The following RAP1GAP2 variants were observed in gnomAD, a reference collection of about 807,000 sequenced individuals.
RAP1GAP2 encodes RAP1 GTPase activating protein 2, also known as rap1 GTPase-activating protein 2.
RAP1GAP2 carries 27 observed loss-of-function variants against 95.0 expected under a neutral mutation model. The ratio of observed to expected loss-of-function variants is 0.28; its 90% CI spans 0.21 to 0.39. The LOEUF (loss-of-function observed/expected upper bound fraction) is 0.39. RAP1GAP2 is among the 10% of genes least tolerant of loss of function. The probability of loss-of-function intolerance (pLI) is 1.00; values close to 1 mark genes in which losing one functional copy is unlikely to be tolerated. For synonymous variants in RAP1GAP2, 373 were observed against 380.9 expected (o/e 0.98, Z 0.24); for missense variants, 771 against 970.0 (o/e 0.79, Z 2.72).
intron 1 of RAP1GAP2, among the ~76,000 whole-genome samples, chr17:2,759,448 T>C (rs1163796163): frequency 6.6e-6 from 1 of 151,960 alleles, no homozygotes; most frequent in Non-Finnish European, 1.5e-5. Context: ...GCCCAGCTAA[T>C]TTTTTGTATT....
chr17:2,774,366 C>T (rs1055497172), upstream of RAP1GAP2, among the ~76,000 whole-genome samples: 1 of 152,078 alleles, frequency 6.6e-6, no homozygotes, highest in African/African-American at 2.4e-5. Context: ...TGCCGTTCCT[C>T]TGCCAGACAT....
intron 4 of RAP1GAP2, among the ~76,000 whole-genome samples, chr17:2,958,300 A>T (rs2044193590): frequency 6.6e-6 from 1 of 152,084 alleles, no homozygotes; most frequent in Non-Finnish European, 1.5e-5. Context: ...TTGGGGTGAA[A>T]TGAGATAATC....
At chr17:2,942,402 T>G (rs990778702) in intron 3 of RAP1GAP2, among the ~76,000 whole-genome samples, 1 of 152,166 alleles carries the variant, frequency 6.6e-6, no homozygotes, top group Non-Finnish European at 1.5e-5. Flanking sequence ...GGGGGCTGAT[T>G]TGGCTCATAG....
At chr17:2,809,567 CT>C (rs1401825723) in intron 2 of RAP1GAP2, among the ~76,000 whole-genome samples, 1 of 152,210 alleles carries the variant, frequency 6.6e-6, no homozygotes, top group African/African-American at 2.4e-5. Context: ...TGGCCATGCA[CT>C]TGGGCTTCCT....
rs374427282 is a variant in RAP1GAP2 at position 3,034,899 on chromosome 17, G to C, written c.*1538G>C. 3.9e-5 allele frequency: 6 copies of C among 152,046 alleles called. No individual in the cohort carries two copies. The highest frequency in any genetic ancestry group is 8.8e-5 in the Non-Finnish European group (6 of 68,060). The allele number at this position is 152,046 out of a possible 1,614,324, so 9.4% of individuals were successfully genotyped here. A position where few individuals can be genotyped will look rare whatever the true frequency, so the allele number is the denominator to read the frequency against. On this transcript the variant is annotated 3_prime_UTR_variant, in exon 25 of 25. Coordinates refer to ENST00000254695, the MANE Select transcript of RAP1GAP2 (RefSeq NM_015085.5). This position sits in a 1 kb window ranked among gnomAD's most constrained non-coding sequence, Gnocchi z 5.1. ...GACACTGGCTGGGCACCTGCCCCAC[G>C]ACCAATGACAAGGATTTCCAGCTGA...
exon 2 of RAP1GAP2, chr17:2,770,394 G>A: frequency 2.5e-6 from 1 of 398,712 alleles, no homozygotes; most frequent in Non-Finnish European, 4.4e-6. Context: ...TGGCTCTACA[G>A]CCCGCAGCAG....
intron 2 of RAP1GAP2, among the ~76,000 whole-genome samples, chr17:2,847,400 C>A (rs2071635304): frequency 6.6e-6 from 1 of 151,122 alleles, no homozygotes; most frequent in African/African-American, 2.4e-5. Flanking sequence ...AGCAAGGAAG[C>A]AAACAAAAAG....
intron 2 of RAP1GAP2, among the ~76,000 whole-genome samples, chr17:2,821,174 C>G (rs990496789): frequency 1.8e-4 from 28 of 152,068 alleles, no homozygotes; most frequent in Admixed American, 1.2e-3. Flanking sequence ...CGCTTCTCTT[C>G]ACCCTTTTTC....
At chr17:2,800,465 G>T (rs1158298814) in intron 1 of RAP1GAP2, 50 bp from the exon 2 acceptor site, 1 of 1,591,652 alleles carries the variant, frequency 6.3e-7, no homozygotes, top group Non-Finnish European at 8.6e-7. Context: ...ATGCTATGTA[G>T]GAGTCTTCAG....
At chr17:2,799,329 G>A (rs963989289) in intron 1 of RAP1GAP2, among the ~76,000 whole-genome samples, 5 of 152,206 alleles carry the variant, frequency 3.3e-5, no homozygotes, top group Non-Finnish European at 7.3e-5. Flanking sequence ...GGAGAGACGT[G>A]GGCCAGGCCC....
chr17:2,779,207 GCGTGA>G (rs1185228838), intron 1 of RAP1GAP2, among the ~76,000 whole-genome samples: 4 of 152,224 alleles, frequency 2.6e-5, no homozygotes, highest in African/African-American at 9.6e-5. Context: ...GCCTAACACT[GCGTGA>G]CCTTGGCCAA....
rs971818207 is a variant in RAP1GAP2 at position 3,004,297 on chromosome 17, C to G, written c.1201-1072C>G. Among the ~76,000 whole-genome samples the G allele has an allele frequency of 6.6e-6, 1 of 152,230 alleles. No individual in the cohort carries two copies. Among genetic ancestry groups the G allele is most frequent in the South Asian group, 2.1e-4 (1 of 4,836 alleles). On this transcript the variant is annotated intron_variant, in intron 14 of 24. Coordinates refer to ENST00000254695, the MANE Select transcript of RAP1GAP2 (RefSeq NM_015085.5). This position sits in a 1 kb window ranked among gnomAD's most constrained non-coding sequence, Gnocchi z 4.1. ...GCCTGGAGCTTGAGAAGAGAAAGCC[C>G]GTATTGACCAGCTCTCTCCCGCTCC...
intron 1 of RAP1GAP2, among the ~76,000 whole-genome samples, chr17:2,756,089 G>A (rs959478164): frequency 2.6e-5 from 4 of 152,248 alleles, no homozygotes; most frequent in Admixed American, 1.3e-4. Flanking sequence ...GCTCGCACGG[G>A]GCTTCCGCCT....
chr17:2,756,889 C>T (rs2071158505), intron 1 of RAP1GAP2, among the ~76,000 whole-genome samples: 1 of 152,134 alleles, frequency 6.6e-6, no homozygotes, highest in Non-Finnish European at 1.5e-5. Context: ...ATGGTAGAGG[C>T]AAGGTTTGAA....
In RAP1GAP2 at chr17:2,897,818, G is replaced by A. The variant is rs916161075; in HGVS notation, c.81-7466G>A. On this transcript the variant is annotated intron_variant, in intron 2 of 24. Transcript: ENST00000254695. ...TGCTTGTCTGCATAATGAGGCTGTC[G>A]GGTGGCATCTGGTGCTTTCTCCCAC... Among the ~76,000 whole-genome samples, 23 of 152,064 alleles carry A rather than the reference G, an allele frequency of 1.5e-4. 1 individual carries two copies. Among genetic ancestry groups the A allele is most frequent in the African/African-American group, 4.1e-4 (17 of 41,412 alleles).
chr17:2,912,881 G>A (rs942389153), intron 3 of RAP1GAP2, among the ~76,000 whole-genome samples: 2 of 152,162 alleles, frequency 1.3e-5, no homozygotes, highest in Admixed American at 6.5e-5. Flanking sequence ...GAGGCTTTAA[G>A]AACATGGAGA....
In RAP1GAP2 at chr17:2,831,933, T is replaced by C. The variant is rs530519599; in HGVS notation, c.80+31383T>C. Among the ~76,000 whole-genome samples the C allele has an allele frequency of 2.0e-4, 30 of 151,414 alleles. No homozygotes were observed. In the East Asian group the frequency reaches 5.5e-3, roughly 28 times the overall value. ...AACAACACAAAAAACAGGCTGGGCG[T>C]GGTGGCTCACGCTTTTAATCCCAGC... On this transcript the variant is annotated intron_variant, in intron 2 of 24. Coordinates refer to ENST00000254695, the MANE Select transcript of RAP1GAP2 (RefSeq NM_015085.5).
At chr17:2,786,541 G>A (rs1480150600) in intron 1 of RAP1GAP2, among the ~76,000 whole-genome samples, 2 of 152,248 alleles carry the variant, frequency 1.3e-5, no homozygotes, top group African/African-American at 4.8e-5. Flanking sequence ...GACCCAGCTG[G>A]GTGGGTGTGG....
At chr17:2,994,510 G>T (rs1597822266) in intron 12 of RAP1GAP2, among the ~76,000 whole-genome samples, 1 of 152,122 alleles carries the variant, frequency 6.6e-6, no homozygotes, top group African/African-American at 2.4e-5. Context: ...GCAGTGGTTG[G>T]GCCTGTATCT....
Sources: gnomAD v4.1 joint callset for allele counts (sites outside exome capture counted in the v4.1 genomes callset) on GRCh38, gnomAD v4.1.1 for gene constraint, Gnocchi (gnomAD v3.1) non-coding constraint, MANE v1.5 for transcripts, NCBI Gene and HGNC (gene_info 2026-07-23, HGNC 2026-07-21) for gene names.